The following RBMS3 variants were observed in gnomAD, a reference collection of about 807,000 sequenced individuals.
The protein encoded by RBMS3 is RNA-binding motif, single-stranded-interacting protein 3.
RBMS3 carries 27 observed loss-of-function variants against 66.8 expected under a neutral mutation model. The observed-to-expected ratio is 0.40, with a 90% CI of 0.30 to 0.56. The LOEUF is 0.56. Among genes scored for constraint, RBMS3 ranks in the 20% least tolerant of loss-of-function variants. The pLI is 0.40. For synonymous variants in RBMS3, 188 were observed against 183.0 expected, an observed-to-expected ratio of 1.03 and a Z score of -0.22; for missense variants, 513 against 549.5, an observed-to-expected ratio of 0.93 and a Z score of 0.66.
intron 14 of RBMS3, 183 bp downstream of exon 14, chr3:29,991,392 G>T: frequency 1.1e-6 from 1 of 887,868 alleles, no homozygotes; most frequent in Non-Finnish European, 1.7e-6. Context: ...TGGTTCTTCT[G>T]ATCTTGACAG....
intron 1 of RBMS3, among the ~76,000 whole-genome samples, chr3:29,385,688 G>A (rs1003600837): frequency 4.8e-4 from 73 of 151,918 alleles, no homozygotes; most frequent in African/African-American, 1.4e-3. Context: ...TTTTTGCACC[G>A]TGGCCTCTCC....
At position 29,360,326 on chromosome 3, in the gene RBMS3, G is replaced by C. The variant is rs377285507; in HGVS notation, c.76-74417G>C. 3.9e-5 allele frequency among the ~76,000 whole-genome samples: 6 copies of C among 152,026 alleles called. No individual in the cohort carries two copies. In the East Asian group the frequency reaches 9.6e-4, roughly 24 times the overall value. ...TGTACCCAGTAGTCATTCAGGAGCA[G>C]GTTGTTCAGTTTCCATGTAGTTGAG... On this transcript the variant is annotated intron_variant, in intron 1 of 14. Transcript: ENST00000383767.
chr3:29,971,276 G>C (rs899643265), intron 12 of RBMS3, among the ~76,000 whole-genome samples: 17 of 152,066 alleles, frequency 1.1e-4, no homozygotes, highest in African/African-American at 4.1e-4. Flanking sequence ...CCTTTTAACA[G>C]AGTACTCCAC....
At chr3:29,656,085 TA>T (rs1216519496) in intron 4 of RBMS3, among the ~76,000 whole-genome samples, 3 of 152,184 alleles carry the variant, frequency 2.0e-5, no homozygotes, top group African/African-American at 7.2e-5. Flanking sequence ...TTTTTTTAAT[TA>T]AAAAATTTAT....
chr3:29,717,758 A>C lies in RBMS3; in HGVS notation c.400-21962A>C, dbSNP rs796661838. Among the ~76,000 whole-genome samples the C allele has an allele frequency of 3.9e-5, 6 of 152,276 alleles. 1 individual carries two copies. The highest frequency in any genetic ancestry group is 1.4e-4 in the African/African-American group (6 of 41,572). On this transcript the variant is annotated intron_variant, in intron 4 of 14. Transcript: ENST00000383767. ...ATTCAGACTCAGTGATTCTAGTATA[A>C]ACTTCAAAATGCAGTAGAAGGAGAA...
intron 8 of RBMS3, among the ~76,000 whole-genome samples, chr3:29,892,655 T>A (rs904924840): frequency 3.3e-5 from 5 of 151,488 alleles, no homozygotes; most frequent in Non-Finnish European, 3.0e-5. Context: ...AAGCAACTCA[T>A]TCCCATTTTC....
chr3:29,359,883 A>T (rs950906337), intron 1 of RBMS3, among the ~76,000 whole-genome samples: 26 of 152,086 alleles, frequency 1.7e-4, no homozygotes, highest in African/African-American at 6.0e-4. Flanking sequence ...CTATGGGATC[A>T]GTGGTGATAT....
At chr3:29,312,453 A>G (rs971328507) in intron 1 of RBMS3, among the ~76,000 whole-genome samples, 3 of 151,800 alleles carry the variant, frequency 2.0e-5, no homozygotes, top group Non-Finnish European at 4.4e-5. Flanking sequence ...TTCATAATTC[A>G]GAACTTGAGT....
At chr3:29,820,099 A>T (rs1001382760) in intron 6 of RBMS3, among the ~76,000 whole-genome samples, 2 of 149,990 alleles carry the variant, frequency 1.3e-5, no homozygotes, top group African/African-American at 4.9e-5. Context: ...GGATGCTGAG[A>T]CATCGCTTGA....
intron 12 of RBMS3, among the ~76,000 whole-genome samples, chr3:29,968,149 G>C (rs1008291976): frequency 6.6e-6 from 1 of 152,132 alleles, no homozygotes; most frequent in Non-Finnish European, 1.5e-5. Flanking sequence ...TATCCCAGAG[G>C]TTTTGATATC....
intron 1 of RBMS3, among the ~76,000 whole-genome samples, chr3:29,283,171 C>T (rs1162233835): frequency 6.6e-6 from 1 of 152,032 alleles, no homozygotes; most frequent in African/African-American, 2.4e-5. Flanking sequence ...TTTCTCATGC[C>T]TCAACAAAAC....
chr3:29,424,820 G>A (rs1343247856), intron 1 of RBMS3, among the ~76,000 whole-genome samples: 3 of 152,096 alleles, frequency 2.0e-5, no homozygotes, highest in African/African-American at 7.2e-5. Flanking sequence ...GGTTAATATG[G>A]AAACTAGTCA....
At chr3:29,540,862 A>T (rs1286191113) in intron 3 of RBMS3, among the ~76,000 whole-genome samples, 1 of 152,220 alleles carries the variant, frequency 6.6e-6, no homozygotes, top group Non-Finnish European at 1.5e-5. Context: ...GTGGTGATGC[A>T]GCTTTGGGCT....
intron 7 of RBMS3, among the ~76,000 whole-genome samples, chr3:29,882,163 A>G (rs1429887487): frequency 6.6e-6 from 1 of 152,112 alleles, no homozygotes; most frequent in Non-Finnish European, 1.5e-5. Flanking sequence ...GCCTGAGACC[A>G]GAGAGTTTCA....
At chr3:29,975,996 C>A (rs1040400176) in intron 12 of RBMS3, among the ~76,000 whole-genome samples, 3 of 151,872 alleles carry the variant, frequency 2.0e-5, no homozygotes, top group Admixed American at 2.0e-4. Context: ...TATTTAATTT[C>A]TTTCATCAAG....
rs1196485031 is a variant in RBMS3, at chr3:29,597,591, A to C, written c.399+10386A>C. 1.2e-4 allele frequency among the ~76,000 whole-genome samples: 18 copies of C among 152,286 alleles called. No individual in the cohort carries two copies. In the East Asian group the frequency reaches 3.3e-3, roughly 28 times the overall value. Reference sequence around the variant, plus strand: ...CGTGAAACTTAGAGTCTGCTGGCTAAATCAGTGGGAGTTGACATTCCAACA... The same window carrying C: ...CGTGAAACTTAGAGTCTGCTGGCTACATCAGTGGGAGTTGACATTCCAACA... On this transcript the variant is annotated intron_variant, in intron 4 of 14. Coordinates refer to ENST00000383767, the MANE Select transcript of RBMS3 (RefSeq NM_001003793.3).
At chr3:29,925,587 GAACA>G (rs1357067297) in intron 10 of RBMS3, among the ~76,000 whole-genome samples, 4 of 152,094 alleles carry the variant, frequency 2.6e-5, no homozygotes, top group Non-Finnish European at 5.9e-5. Flanking sequence ...TCTCAAGCAA[GAACA>G]AACAAAGGAC....
chr3:29,286,646 A>T (rs1279364000), intron 1 of RBMS3, among the ~76,000 whole-genome samples: 1 of 152,038 alleles, frequency 6.6e-6, no homozygotes, highest in East Asian at 1.9e-4. Context: ...ATTTGCAGGG[A>T]GGGACACAAT....
chr3:29,967,540 C>T (rs1696930873), intron 12 of RBMS3, among the ~76,000 whole-genome samples: 1 of 152,128 alleles, frequency 6.6e-6, no homozygotes, highest in African/African-American at 2.4e-5. Flanking sequence ...CGTGATTTGC[C>T]TGCCTCAGCC....
Sources: gnomAD v4.1 joint callset for allele counts (sites outside exome capture counted in the v4.1 genomes callset) on GRCh38, gnomAD v4.1.1 for gene constraint, MANE v1.5 for transcripts, NCBI Gene and HGNC (gene_info 2026-07-23, HGNC 2026-07-21) for gene names.